The following MFHAS1 variants were observed in gnomAD, a reference collection of about 807,000 sequenced individuals.
MFHAS1 encodes multifunctional ROCO family signaling regulator 1.
MFHAS1 carries 50 observed loss-of-function variants against 70.4 expected under a neutral mutation model. The observed-to-expected ratio is 0.71, with a 90% CI of 0.57 to 0.90. The LOEUF (loss-of-function observed/expected upper bound fraction) is 0.90, where lower values mean the gene tolerates loss of function less well. Ranked by LOEUF, MFHAS1 falls within the 40% of genes least tolerant of loss-of-function variation. The probability of loss-of-function intolerance (pLI) is 0.00; values close to 1 mark genes in which losing one functional copy is unlikely to be tolerated. For synonymous variants in MFHAS1, 952 were observed against 620.0 expected (o/e 1.54, Z -7.96); for missense variants, 1,795 against 1,347.6 (o/e 1.33, Z -5.20).
At chr8:8,827,474 A>G (rs1442589091) in intron 1 of MFHAS1, among the ~76,000 whole-genome samples, 6 of 152,260 alleles carry the variant, frequency 3.9e-5, no homozygotes, top group Non-Finnish European at 8.8e-5. Flanking sequence ...GAAAACAATG[A>G]GACCTCTTTA....
Position 8,890,867 on chromosome 8 carries a change from G to T in MFHAS1, c.2192C>A (p.Thr731Asn), listed in dbSNP as rs755006853. ...ALKEHVFHNL[T>N]RLIDILNVFF... ...GACATTGAGGATGTCGATGAGGCGG[G>T]TGAGGTTGTGGAAGACGTGCTCCTT... is the stretch of plus-strand genomic sequence containing the variant. Residue 731 changes from threonine to asparagine, a missense_variant, in exon 1 of 3, where the codon ACC (threonine) becomes AAC (asparagine). By Grantham distance (65) the Thr-to-Asn change is moderately conservative (BLOSUM62 0). Coordinates refer to ENST00000276282, the MANE Select transcript of MFHAS1 (RefSeq NM_004225.3). The T allele has an allele frequency of 6.2e-7, 1 of 1,614,164 alleles. No individual in the cohort carries two copies. Among genetic ancestry groups the T allele is most frequent in the South Asian group, 1.1e-5 (1 of 91,086 alleles).
At chr8:8,786,082 C>A (rs1270409242) in intron 2 of MFHAS1, 27 bp from the exon 3 acceptor site, 1 of 1,608,858 alleles carries the variant, frequency 6.2e-7, no homozygotes, top group Non-Finnish European at 8.5e-7. Flanking sequence ...CAAGAAAGCA[C>A]AGAGATGACA....
At position 8,823,859 on chromosome 8, in the gene MFHAS1, G is replaced by A. The variant is rs568070961; in HGVS notation, c.2999-26368C>T. Among the ~76,000 whole-genome samples the A allele has an allele frequency of 3.7e-5, 5 of 133,728 alleles. No homozygotes were observed. The South Asian group carries it at 1.7e-3, about 46-fold the overall frequency. The allele number at this position is 133,728 out of a possible 152,430, so 87.7% of individuals were successfully genotyped here. A position where few individuals can be genotyped will look rare whatever the true frequency, so the allele number is the denominator to read the frequency against. ...CTCAGAGATGTGCCTGTCTCCATGC[G>A]CTTCAAAGATCTTAGCCACGTCGTG... On this transcript the variant is annotated intron_variant, in intron 1 of 2. Coordinates refer to ENST00000276282, the MANE Select transcript of MFHAS1 (RefSeq NM_004225.3).
intron 1 of MFHAS1, among the ~76,000 whole-genome samples, chr8:8,824,521 TCACACACACACACACACACACACACACA>T (rs57194505): frequency 0.44 from 64,621 of 145,934 alleles, 15,610 homozygotes; most frequent in East Asian, 0.77. Flanking sequence ...TCTCTCTCTT[TCACACACACACACACACACACACACACA>T]CACACACACA....
intron 1 of MFHAS1, among the ~76,000 whole-genome samples, chr8:8,817,497 G>T (rs989722095): frequency 6.6e-6 from 1 of 152,286 alleles, no homozygotes. Flanking sequence ...CACCTAAGAG[G>T]CCACCTATTG....
At chr8:8,811,981 A>C (rs920230237) in intron 1 of MFHAS1, among the ~76,000 whole-genome samples, 2 of 152,182 alleles carry the variant, frequency 1.3e-5, no homozygotes, top group Admixed American at 1.3e-4. Context: ...ATCCAAGGGC[A>C]AACAAAAAAC....
rs546335773 is a variant in MFHAS1, at chr8:8,882,300, G to A, written c.2998+7761C>T. Among the ~76,000 whole-genome samples, 386 of 152,312 alleles carry A rather than the reference G, an allele frequency of 2.5e-3. 2 individuals are homozygous for A. Among genetic ancestry groups the A allele is most frequent in the Non-Finnish European group, 4.2e-3 (286 of 68,024 alleles). ...AGCTACGTGGGAGGCTGGGGCAGGA[G>A]AATCACTTGAACCCAGGAGGTGGAG... On this transcript the variant is annotated intron_variant, in intron 1 of 2. Coordinates refer to ENST00000276282, the MANE Select transcript of MFHAS1 (RefSeq NM_004225.3).
At position 8,891,037 on chromosome 8, in the gene MFHAS1, A is replaced by G; in HGVS notation, c.2022T>C (p.Pro674=). Residue 674 remains proline (P), a synonymous_variant, in exon 1 of 3, where the codon CCT becomes CCC. Coordinates refer to ENST00000276282, the MANE Select transcript of MFHAS1 (RefSeq NM_004225.3). This position sits in a 1 kb window ranked among gnomAD's most constrained non-coding sequence, Gnocchi z 5.4. Reference sequence around the variant, plus strand: ...AGCTTAGCCACAGTCGCTGGGCCTGAGGTGGCTGGAAATGCAGTTCCTCCA... The same window carrying G: ...AGCTTAGCCACAGTCGCTGGGCCTGGGGTGGCTGGAAATGCAGTTCCTCCA... The part of the protein sequence containing the change: ...QVLEELHFQP[P]QAQRLWLSWW... The G allele has an allele frequency of 6.2e-7, 1 of 1,613,618 alleles. No homozygotes were observed. Among genetic ancestry groups the G allele is most frequent in the Non-Finnish European group, 8.5e-7 (1 of 1,179,874 alleles).
chr8:8,836,700 C>G (rs1387590330), intron 1 of MFHAS1, among the ~76,000 whole-genome samples: 2 of 152,172 alleles, frequency 1.3e-5, no homozygotes, highest in Non-Finnish European at 2.9e-5. Context: ...TTTTTGAACA[C>G]TTCCTGGTAT....
intron 1 of MFHAS1, chr8:8,860,050 C>T (rs1808602327): frequency 6.6e-6 from 1 of 152,178 alleles, no homozygotes; most frequent in South Asian, 2.1e-4. Context: ...TGTATTCTCT[C>T]CCATTGTCCC....
intron 1 of MFHAS1, among the ~76,000 whole-genome samples, chr8:8,889,807 T>C (rs1368492702): frequency 6.6e-6 from 1 of 152,206 alleles, no homozygotes; most frequent in Non-Finnish European, 1.5e-5. Context: ...GGAAAGGAGA[T>C]GGCAAATGTT....
chr8:8,839,248 GT>G (rs960649743), intron 1 of MFHAS1, among the ~76,000 whole-genome samples: 5 of 151,190 alleles, frequency 3.3e-5, no homozygotes, highest in Non-Finnish European at 5.9e-5. Flanking sequence ...GAAAAATAAA[GT>G]TTTTTTTTCT....
intron 2 of MFHAS1, among the ~76,000 whole-genome samples, chr8:8,786,792 C>T (rs546336626): frequency 2.4e-4 from 37 of 151,966 alleles, no homozygotes; most frequent in Middle Eastern, 6.8e-3. Flanking sequence ...TCCAATCCCC[C>T]ATCTCTCATT....
chr8:8,849,039 T>G (rs1460092357), intron 1 of MFHAS1, among the ~76,000 whole-genome samples: 1 of 147,106 alleles, frequency 6.8e-6, no homozygotes, highest in East Asian at 2.0e-4. Flanking sequence ...AAAGAACAGC[T>G]CTGCAGCAAT....
intron 1 of MFHAS1, among the ~76,000 whole-genome samples, chr8:8,824,456 G>A (rs187980926): frequency 2.7e-5 from 4 of 146,010 alleles, no homozygotes; most frequent in Admixed American, 2.1e-4. Context: ...AGAGTCTTCT[G>A]GCTCAGATGC....
intron 1 of MFHAS1, among the ~76,000 whole-genome samples, chr8:8,874,052 C>G (rs916314186): frequency 1.3e-5 from 2 of 152,168 alleles, no homozygotes; most frequent in African/African-American, 4.8e-5. Context: ...AATCACAAAG[C>G]GAAGCCTTCA....
intron 1 of MFHAS1, among the ~76,000 whole-genome samples, chr8:8,889,129 GA>G (rs1179779309): frequency 6.6e-6 from 1 of 151,750 alleles, no homozygotes; most frequent in Non-Finnish European, 1.5e-5. Flanking sequence ...AAGTCTACTG[GA>G]AAACACTCTC....
At chr8:8,791,208 C>T (rs1473807969) in intron 2 of MFHAS1, among the ~76,000 whole-genome samples, 3 of 149,556 alleles carry the variant, frequency 2.0e-5, no homozygotes, top group East Asian at 2.1e-4. Context: ...TCTCAGAACT[C>T]CCACCATTCC....
intron 1 of MFHAS1, among the ~76,000 whole-genome samples, chr8:8,831,819 G>T (rs1807399745): frequency 6.6e-6 from 1 of 152,054 alleles, no homozygotes; most frequent in South Asian, 2.1e-4. Flanking sequence ...TGTTAGCCAT[G>T]CTAGTCTCAA....
Sources: gnomAD v4.1 joint callset for allele counts (sites outside exome capture counted in the v4.1 genomes callset) on GRCh38, gnomAD v4.1.1 for gene constraint, Gnocchi (gnomAD v3.1) non-coding constraint, MANE v1.5 for transcripts, NCBI Gene and HGNC (gene_info 2026-07-23, HGNC 2026-07-21) for gene names.